Variants in LRRK2 observed in about 807,000 individuals in gnomAD.
LRRK2 encodes the protein leucine-rich repeat serine/threonine-protein kinase 2.
In LRRK2, 203 loss-of-function variants were observed where a neutral mutation model predicts 302.6. The observed-to-expected ratio is 0.67, with a 90% CI of 0.60 to 0.75. LRRK2 has a LOEUF of 0.75. Ranked by LOEUF, LRRK2 falls within the 30% of genes least tolerant of loss-of-function variation. LRRK2 has a pLI of 0.00. For missense variants in LRRK2, 2,830 were observed against 2,951.0 expected (o/e 0.96, Z 0.95); for synonymous variants, 1,066 against 1,031.9 (o/e 1.03, Z -0.63).
Position 40,308,779 on chromosome 12 carries a change from T to C in LRRK2, c.4189+83T>C, listed in dbSNP as rs939859575. On this transcript the variant is annotated intron_variant, in intron 29 of 50. Coordinates refer to ENST00000298910, the MANE Select transcript of LRRK2 (RefSeq NM_198578.4). Reference sequence around the variant, plus strand: ...TCAAAAACTGAGCTTTCTGTTCTAATATCCAGAAACCTGGTAGACTGTATG... The same window carrying C: ...TCAAAAACTGAGCTTTCTGTTCTAACATCCAGAAACCTGGTAGACTGTATG... The C allele has an allele frequency of 9.5e-6, 12 of 1,263,462 alleles. No individual in the cohort carries two copies. In the African/African-American group the frequency reaches 1.6e-4, roughly 17 times the overall value. 78.3% of individuals were successfully genotyped at this position (1,263,462 alleles called of 1,614,324 possible).
chr12:40,364,788 G>A, intron 48 of LRRK2, 54 bp from the exon 49 acceptor site: 2 of 1,268,610 alleles, frequency 1.6e-6, no homozygotes, highest in Admixed American at 3.5e-5. Flanking sequence ...TATGTAAATA[G>A]CATTTATCTC....
At chr12:40,261,558 A>T (rs748305372) in intron 13 of LRRK2, among the ~76,000 whole-genome samples, 20 of 152,150 alleles carry the variant, frequency 1.3e-4, no homozygotes, top group Non-Finnish European at 2.6e-4. Context: ...CATTTACTGT[A>T]TGCTAACATA....
chr12:40,346,126 T>C (rs1443211425), intron 41 of LRRK2, among the ~76,000 whole-genome samples: 1 of 152,166 alleles, frequency 6.6e-6, no homozygotes, highest in Non-Finnish European at 1.5e-5. Context: ...TTATCTGTCT[T>C]ATGGAATAAA....
At chr12:40,336,561 G>A (rs1170860798) in intron 40 of LRRK2, among the ~76,000 whole-genome samples, 1 of 152,188 alleles carries the variant, frequency 6.6e-6, no homozygotes, top group Non-Finnish European at 1.5e-5. Flanking sequence ...GGAAAACAGT[G>A]CCTGGGGCAT....
At chr12:40,237,277 G>A (rs1209691334) in intron 4 of LRRK2, among the ~76,000 whole-genome samples, 2 of 152,094 alleles carry the variant, frequency 1.3e-5, no homozygotes, top group African/African-American at 2.4e-5. Flanking sequence ...TTCCAGCAAG[G>A]GATTTGCAAG....
chr12:40,350,796 C>G (rs978469714), intron 43 of LRRK2, among the ~76,000 whole-genome samples: 1 of 151,814 alleles, frequency 6.6e-6, no homozygotes, highest in African/African-American at 2.4e-5. Flanking sequence ...TGTTGTTTTT[C>G]TTTCTTGTTT....
Position 40,356,113 on chromosome 12 carries a change from A to G in LRRK2, c.6771-2A>G, listed in dbSNP as rs746934309. Reference sequence around the variant, plus strand: ...TAACAATTTCAACATTTTTCCTTTTAGCAAACAAAAAAATTTTCTTTTGGT... The same window carrying G: ...TAACAATTTCAACATTTTTCCTTTTGGCAAACAAAAAAATTTTCTTTTGGT... On this transcript the variant is annotated splice_acceptor_variant, in intron 45 of 50. Transcript: ENST00000298910. LOFTEE classifies it high-confidence loss of function. 5 of 1,607,616 alleles carry G rather than the reference A, an allele frequency of 3.1e-6. No homozygotes were observed. The highest frequency in any genetic ancestry group is 2.6e-6 in the Non-Finnish European group (3 of 1,175,910).
At chr12:40,295,375 G>C in intron 22 of LRRK2, 52 bp from the exon 23 acceptor site, 1 of 1,549,724 alleles carries the variant, frequency 6.5e-7, no homozygotes, top group Admixed American at 1.7e-5. Context: ...TTTACTACAT[G>C]AATTTAAATT....
At chr12:40,316,404 G>A (rs1461033678) in intron 33 of LRRK2, 8 of 913,460 alleles carry the variant, frequency 8.8e-6, no homozygotes, top group Non-Finnish European at 9.2e-6. Flanking sequence ...TACTATTTTG[G>A]TAGGTATTTT....
At position 40,364,845 on chromosome 12, in the gene LRRK2, G is replaced by T; in HGVS notation, c.7185G>T (p.Glu2395Asp). ...AATGTATACTTTATGGTTCTAGGGA[G>T]GTAATGGTAAAAGAAAACAAGGAAT... is the stretch of plus-strand genomic sequence containing the variant. ...GLIDCVHFLR[E>D]VMVKENKESK... Residue 2395 changes from glutamate (E) to aspartate (D), a missense_variant, in exon 49 of 51, where the codon GAG (glutamate) becomes GAT (aspartate). This residue lies in a region of LRRK2 where 456 missense variants were observed against 456.3 expected (regional missense o/e 1.00). Coordinates refer to ENST00000298910, the MANE Select transcript of LRRK2 (RefSeq NM_198578.4). 1 of 1,606,750 alleles carries T rather than the reference G, an allele frequency of 6.2e-7. No individual in the cohort carries two copies.
chr12:40,321,989 C>A, intron 35 of LRRK2, 46 bp from the exon 36 acceptor site: 1 of 1,602,898 alleles, frequency 6.2e-7, no homozygotes, highest in South Asian at 1.1e-5. Flanking sequence ...AGATTTTTTC[C>A]CTTTAACTTA....
At chr12:40,335,500 A>T (rs1489024753) in intron 40 of LRRK2, among the ~76,000 whole-genome samples, 1 of 152,174 alleles carries the variant, frequency 6.6e-6, no homozygotes, top group Admixed American at 6.5e-5. Flanking sequence ...ATGAGGAAAG[A>T]TGAGTCCATA....
chr12:40,281,278 AG>A (rs2136643115), intron 18 of LRRK2, among the ~76,000 whole-genome samples: 1 of 152,306 alleles, frequency 6.6e-6, no homozygotes, highest in Admixed American at 6.5e-5. Flanking sequence ...TGAGGCACTG[AG>A]GGTTTAAATA....
chr12:40,294,818 A>G (rs1944315506), intron 21 of LRRK2, 27 bp from the exon 22 acceptor site: 2 of 1,261,380 alleles, frequency 1.6e-6, no homozygotes, highest in Admixed American at 3.5e-5. Context: ...AATGACAGCA[A>G]TTTTATTATA....
At chr12:40,256,058 G>A (rs1453472425) in intron 11 of LRRK2, among the ~76,000 whole-genome samples, 1 of 152,098 alleles carries the variant, frequency 6.6e-6, no homozygotes. Flanking sequence ...GTGTAATGTT[G>A]GAACTGATAT....
intron 44 of LRRK2, among the ~76,000 whole-genome samples, chr12:40,352,180 G>T (rs991656945): frequency 3.9e-5 from 6 of 152,236 alleles, no homozygotes; most frequent in African/African-American, 1.2e-4. Flanking sequence ...CTGCTGGGAG[G>T]TGGGGGTAGT....
chr12:40,253,300 T>C (rs1942361401), intron 11 of LRRK2, among the ~76,000 whole-genome samples: 1 of 152,200 alleles, frequency 6.6e-6, no homozygotes, highest in African/African-American at 2.4e-5. Flanking sequence ...GATCATATTA[T>C]ACTCTTTTAT....
At position 40,346,757 on chromosome 12, in the gene LRRK2, T is replaced by C. The variant is rs772630208; in HGVS notation, c.6114T>C (p.Phe2038=). Residue 2038 remains phenylalanine (F), a synonymous_variant, in exon 42 of 51, where the codon TTT becomes TTC. Coordinates refer to ENST00000298910, the MANE Select transcript of LRRK2 (RefSeq NM_198578.4). ...ATTTTATCTGCTTACTTTCAGGGTT[T>C]CGTGCACCTGAAGTTGCCAGAGGAA... ...GIKTSEGTPG[F]RAPEVARGNV... 11 of 1,613,836 alleles carry C rather than the reference T, an allele frequency of 6.8e-6. No homozygotes were observed. The South Asian group carries it at 1.2e-4, about 18-fold the overall frequency.
intron 13 of LRRK2, among the ~76,000 whole-genome samples, chr12:40,261,729 C>T (rs1942787119): frequency 6.6e-6 from 1 of 152,026 alleles, no homozygotes; most frequent in Non-Finnish European, 1.5e-5. Context: ...AGTTGAGGTT[C>T]TTATGAGATA....
Sources: allele counts gnomAD v4.1 joint callset (sites outside exome capture counted in the v4.1 genomes callset), GRCh38; gene constraint gnomAD v4.1.1; regional missense constraint gnomAD v4.1.1; transcripts MANE v1.5; gene names NCBI Gene and HGNC (gene_info 2026-07-23, HGNC 2026-07-21).